RIMS2: variants seen among roughly 807,000 people sequenced by gnomAD.
RIMS2 encodes the protein regulating synaptic membrane exocytosis protein 2.
RIMS2 carries 59 observed loss-of-function variants against 174.4 expected under a neutral mutation model. The ratio of observed to expected loss-of-function variants is 0.34; its 90% CI spans 0.27 to 0.42. The LOEUF is 0.42. Ranked by LOEUF, RIMS2 falls within the 10% of genes least tolerant of loss-of-function variation. The pLI, the probability that RIMS2 is intolerant of heterozygous loss-of-function variation, is 1.00. For missense variants in RIMS2, 1,620 were observed against 1,666.3 expected (o/e 0.97, Z 0.48); for synonymous variants, 606 against 572.5 (o/e 1.06, Z -0.84).
At chr8:104,095,180 A>G (rs2097735705) in intron 19 of RIMS2, among the ~76,000 whole-genome samples, 1 of 152,208 alleles carries the variant, frequency 6.6e-6, no homozygotes, top group Non-Finnish European at 1.5e-5. Context: ...TTTACAAGAA[A>G]TATTATTTCC....
intron 19 of RIMS2, among the ~76,000 whole-genome samples, chr8:104,121,380 C>T (rs995604878): frequency 2.0e-5 from 3 of 152,086 alleles, no homozygotes; most frequent in Admixed American, 6.6e-5. Flanking sequence ...GAATTTACAT[C>T]CCTAATTCTG....
chr8:103,686,331 C>G (rs1415530146), intron 1 of RIMS2, among the ~76,000 whole-genome samples: 2 of 151,846 alleles, frequency 1.3e-5, no homozygotes, highest in Non-Finnish European at 2.9e-5. Context: ...CTTTTCTTTT[C>G]TTGCCTTAAT....
At chr8:103,648,428 T>G (rs750535167) in intron 1 of RIMS2, among the ~76,000 whole-genome samples, 2 of 152,136 alleles carry the variant, frequency 1.3e-5, no homozygotes, top group African/African-American at 2.4e-5. Context: ...GTTCTTTCCT[T>G]GGTGGAGTTC....
At chr8:103,962,451 G>A (rs1016396264) in intron 15 of RIMS2, among the ~76,000 whole-genome samples, 1 of 151,992 alleles carries the variant, frequency 6.6e-6, no homozygotes, top group Non-Finnish European at 1.5e-5. Context: ...TTCCTATCTG[G>A]ACATTATTGT....
chr8:104,088,872 A>G (rs1380389341), intron 19 of RIMS2, among the ~76,000 whole-genome samples: 1 of 152,044 alleles, frequency 6.6e-6, no homozygotes, highest in Non-Finnish European at 1.5e-5. Flanking sequence ...TCTTTTCAAT[A>G]GAGCTCTGCA....
At chr8:104,170,659 A>C (rs1480032684) in intron 19 of RIMS2, among the ~76,000 whole-genome samples, 2 of 152,086 alleles carry the variant, frequency 1.3e-5, no homozygotes, top group African/African-American at 4.8e-5. Context: ...GTTACATTCA[A>C]CATTAATACT....
intron 19 of RIMS2, among the ~76,000 whole-genome samples, chr8:104,225,428 A>G (rs1179253306): frequency 1.3e-5 from 2 of 152,228 alleles, no homozygotes; most frequent in Non-Finnish European, 2.9e-5. Context: ...CTTGTGCCTG[A>G]AAATACATAT....
At chr8:104,228,765 T>A (rs2441794) in intron 19 of RIMS2, among the ~76,000 whole-genome samples, 114,714 of 152,166 alleles carry the variant, frequency 0.75, 44,506 homozygotes, top group African/African-American at 0.94. Flanking sequence ...GTTACTATGG[T>A]TCTTTTTATA....
chr8:103,915,538 T>G, exon 7 of RIMS2: 1 of 1,607,906 alleles, frequency 6.2e-7, no homozygotes, highest in Non-Finnish European at 8.5e-7. Flanking sequence ...CTTTGTGCAT[T>G]TATTACTAAA....
At chr8:104,105,954 C>T (rs1370249336) in intron 19 of RIMS2, among the ~76,000 whole-genome samples, 4 of 140,770 alleles carry the variant, frequency 2.8e-5, no homozygotes, top group Admixed American at 1.5e-4. Flanking sequence ...GCAGGAGAAT[C>T]GCTTGAACTG....
chr8:103,584,209 A>T (rs143658516), intron 1 of RIMS2, among the ~76,000 whole-genome samples: 1 of 152,316 alleles, frequency 6.6e-6, no homozygotes, highest in Non-Finnish European at 1.5e-5. Flanking sequence ...GTAAAGGAAA[A>T]ACACTTTTAT....
At chr8:103,702,892 T>G (rs1443878142) in intron 2 of RIMS2, among the ~76,000 whole-genome samples, 1 of 150,528 alleles carries the variant, frequency 6.6e-6, no homozygotes, top group Admixed American at 6.7e-5. Flanking sequence ...TAAGAATTGC[T>G]TTGGCTATCT....
At chr8:103,731,962 T>C (rs1452137926) in intron 2 of RIMS2, among the ~76,000 whole-genome samples, 1 of 152,236 alleles carries the variant, frequency 6.6e-6, no homozygotes, top group East Asian at 1.9e-4. Context: ...GGTGAAGTCA[T>C]ATTTTCCTGG....
chr8:103,962,746 TC>T (rs1234130895), intron 15 of RIMS2, among the ~76,000 whole-genome samples: 2 of 152,064 alleles, frequency 1.3e-5, no homozygotes. Context: ...CAGCTCAGCT[TC>T]CCCAGTAGCT....
chr8:104,196,799 T>G (rs7001250), intron 19 of RIMS2, among the ~76,000 whole-genome samples: 116 of 152,260 alleles, frequency 7.6e-4, no homozygotes, highest in African/African-American at 2.6e-3. Context: ...TTAATTTAAC[T>G]TAGTATAACT....
intron 19 of RIMS2, among the ~76,000 whole-genome samples, chr8:104,152,861 T>G (rs1215491299): frequency 6.6e-6 from 1 of 152,042 alleles, no homozygotes; most frequent in Non-Finnish European, 1.5e-5. Context: ...AGTTAAAGAG[T>G]CATCATGTGA....
At chr8:103,785,564 G>T (rs2098435887) in intron 3 of RIMS2, among the ~76,000 whole-genome samples, 1 of 152,042 alleles carries the variant, frequency 6.6e-6, no homozygotes, top group Non-Finnish European at 1.5e-5. Flanking sequence ...TTATATGCTG[G>T]ATTACATTTA....
chr8:103,877,023 C>T (rs990248433), intron 3 of RIMS2, among the ~76,000 whole-genome samples: 4 of 150,412 alleles, frequency 2.7e-5, no homozygotes, highest in East Asian at 2.0e-4. Context: ...CAAACATGCA[C>T]GTGCAAGTAC....
At chr8:103,773,984 A>T (rs936387284) in intron 3 of RIMS2, among the ~76,000 whole-genome samples, 1 of 152,144 alleles carries the variant, frequency 6.6e-6, no homozygotes, top group Non-Finnish European at 1.5e-5. Context: ...TCTACTAAAA[A>T]TACAAAAATT....
Sources: allele counts gnomAD v4.1 joint callset (sites outside exome capture counted in the v4.1 genomes callset), GRCh38; gene constraint gnomAD v4.1.1; transcripts MANE v1.5; gene names NCBI Gene and HGNC (gene_info 2026-07-23, HGNC 2026-07-21).